Variants in BRD10 observed in about 807,000 individuals in gnomAD.
BRD10 encodes the protein bromodomain containing 10.
At chr9:5,899,085 G>A in the BRD10 span, 1 of 152,158 alleles carries the variant, frequency 6.6e-6, no homozygotes, top group African/African-American at 2.4e-5. Context: ...TAGCACTTCA[G>A]CACTTCAGCA....
At chr9:5,907,875 C>T in the BRD10 span, among the ~76,000 whole-genome samples, 1 of 152,188 alleles carries the variant, frequency 6.6e-6, no homozygotes, top group Non-Finnish European at 1.5e-5. Flanking sequence ...ATCACTTGAA[C>T]CCGGGAGGTG....
the BRD10 span, among the ~76,000 whole-genome samples, chr9:5,956,918 T>C: frequency 6.6e-6 from 1 of 152,128 alleles, no homozygotes; most frequent in Non-Finnish European, 1.5e-5. Context: ...AAGTGATCCC[T>C]AAATACAAGA....
chr9:5,918,624 G>T, the BRD10 span, among the ~76,000 whole-genome samples: 17 of 144,004 alleles, frequency 1.2e-4, no homozygotes, highest in South Asian at 6.7e-4. Flanking sequence ...AGTAATTGTG[G>T]TTTTTTGCCG....
chr9:5,950,308 A>T, the BRD10 span, among the ~76,000 whole-genome samples: 1 of 152,194 alleles, frequency 6.6e-6, no homozygotes, highest in South Asian at 2.1e-4. Flanking sequence ...ACCAGAAGCG[A>T]CTGACCTGCT....
the BRD10 span, among the ~76,000 whole-genome samples, chr9:5,901,563 G>C: frequency 2.0e-5 from 3 of 151,858 alleles, no homozygotes; most frequent in Non-Finnish European, 4.4e-5. Context: ...CTGTCACCCA[G>C]GCTGGAGTGC....
At chr9:5,981,548 ACTATCTATCTAT>A in the BRD10 span, among the ~76,000 whole-genome samples, 1 of 152,088 alleles carries the variant, frequency 6.6e-6, no homozygotes, top group African/African-American at 2.4e-5. Context: ...AGAGACCTGG[ACTATCTATCTAT>A]CTATCTATCC....
the BRD10 span, among the ~76,000 whole-genome samples, chr9:5,989,209 G>A: frequency 3.8e-5 from 5 of 130,166 alleles, no homozygotes; most frequent in Non-Finnish European, 8.0e-5. Context: ...TCCAGCCTGG[G>A]CAACAAGAGA....
At chr9:5,978,333 G>C in the BRD10 span, among the ~76,000 whole-genome samples, 2 of 149,458 alleles carry the variant, frequency 1.3e-5, no homozygotes, top group Admixed American at 6.7e-5. Flanking sequence ...CTTACCATGT[G>C]TGACAACACA....
At chr9:5,919,701 C>G in the BRD10 span, 1 of 1,609,702 alleles carries the variant, frequency 6.2e-7, no homozygotes, top group Non-Finnish European at 8.5e-7. Context: ...GCAGCTCTGT[C>G]AGGCTTCTCT....
At chr9:5,937,356 G>C in the BRD10 span, among the ~76,000 whole-genome samples, 1 of 151,966 alleles carries the variant, frequency 6.6e-6, no homozygotes, top group Non-Finnish European at 1.5e-5. Flanking sequence ...GGCCAATATG[G>C]TGAAACCATC....
At chr9:6,008,263 C>A in the BRD10 span, 1 of 983,928 alleles carries the variant, frequency 1.0e-6, no homozygotes, top group Non-Finnish European at 1.2e-6. Flanking sequence ...CCTCACACCC[C>A]CTCCCGCCCC....
the BRD10 span, among the ~76,000 whole-genome samples, chr9:5,989,821 A>T: frequency 6.6e-6 from 1 of 152,106 alleles, no homozygotes; most frequent in Non-Finnish European, 1.5e-5. Context: ...GAGCCACCCC[A>T]CCCAGCCAAA....
the BRD10 span, among the ~76,000 whole-genome samples, chr9:5,916,162 G>C: frequency 6.6e-6 from 1 of 152,198 alleles, no homozygotes; most frequent in Non-Finnish European, 1.5e-5. Context: ...AATAAGCTCA[G>C]ATGATGGCAA....
chr9:5,893,335 T>TTC, the BRD10 span, among the ~76,000 whole-genome samples: 2 of 152,178 alleles, frequency 1.3e-5, no homozygotes, highest in South Asian at 4.1e-4. Flanking sequence ...CGTGGGACTC[T>TTC]AACAGGACAA....
the BRD10 span, among the ~76,000 whole-genome samples, chr9:5,980,042 G>C: frequency 6.8e-6 from 1 of 146,202 alleles, no homozygotes; most frequent in Non-Finnish European, 1.5e-5. Context: ...AAAAAAAAAA[G>C]AAGTATCTTA....
the BRD10 span, chr9:5,988,589 T>TA: frequency 6.8e-7 from 1 of 1,467,916 alleles, no homozygotes; most frequent in Non-Finnish European, 9.5e-7. Flanking sequence ...ATCTTCTGGA[T>TA]AAGCAATAAA....
At chr9:5,918,752 G>C in the BRD10 span, among the ~76,000 whole-genome samples, 1 of 149,746 alleles carries the variant, frequency 6.7e-6, no homozygotes, top group Non-Finnish European at 1.5e-5. Flanking sequence ...TTGAGCTCAG[G>C]AGGTGGAGGT....
the BRD10 span, chr9:5,907,284 G>T: frequency 4.9e-6 from 1 of 205,614 alleles, no homozygotes; most frequent in Non-Finnish European, 9.6e-6. Flanking sequence ...AAGATTCAAA[G>T]GAAGAATTTA....
chr9:5,893,294 G>A, the BRD10 span, among the ~76,000 whole-genome samples: 48 of 152,290 alleles, frequency 3.2e-4, 1 homozygote, highest in Middle Eastern at 0.017. Flanking sequence ...TACGTGCTGG[G>A]TGGCAGGGGC....
Sources: allele counts gnomAD v4.1 joint callset (sites outside exome capture counted in the v4.1 genomes callset), GRCh38; gene constraint gnomAD v4.1.1; transcripts MANE v1.5; gene names NCBI Gene and HGNC (gene_info 2026-07-23, HGNC 2026-07-21).